DAB2IP: variants seen among roughly 807,000 people sequenced by gnomAD.
The protein encoded by DAB2IP is DAB2 interacting protein.
A neutral mutation model predicts 107.2 loss-of-function variants in DAB2IP; 28 were observed. That is an observed-to-expected ratio of 0.26 (90% CI 0.19 to 0.36). The LOEUF (loss-of-function observed/expected upper bound fraction) is 0.36. Ranked by LOEUF, DAB2IP falls within the 10% of genes least tolerant of loss-of-function variation. The probability of loss-of-function intolerance (pLI) is 1.00; values close to 1 mark genes in which losing one functional copy is unlikely to be tolerated. For synonymous variants in DAB2IP, 755 were observed against 706.4 expected (o/e 1.07, Z -1.09); for missense variants, 1,400 against 1,644.7 (o/e 0.85, Z 2.57).
chr9:121,760,320 C>T lies in DAB2IP; in HGVS notation c.1051C>T (p.His351Tyr). ...GGAGATGTACAAAGAGTTCGCTGAG[C>T]ACATCACCAACCACTACCTGGGGCT... Residue 351 changes from histidine to tyrosine, a missense_variant, in exon 6 of 16, where the codon CAC becomes TAC. His to Tyr is a moderately conservative substitution (Grantham distance 83). Coordinates refer to ENST00000408936, the Ensembl canonical transcript of DAB2IP. This position sits in a 1 kb window ranked among gnomAD's most constrained non-coding sequence, Gnocchi z 5.9. 1 of 1,613,658 alleles carries T rather than the reference C, an allele frequency of 6.2e-7. No homozygotes were observed. The highest frequency in any genetic ancestry group is 8.5e-7 in the Non-Finnish European group (1 of 1,180,034).
chr9:121,768,556 G>C lies in DAB2IP; in HGVS notation c.1822G>C (p.Glu608Gln), dbSNP rs769592281. 1.9e-6 allele frequency: 3 copies of C among 1,614,068 alleles called. No homozygotes were observed. In the African/African-American group the frequency reaches 4.0e-5, roughly 22 times the overall value. The change falls in exon 10 of 16, where the codon GAG (glutamate) becomes CAG (glutamine). Residue 608 changes from glutamate to glutamine, a missense_variant. By Grantham distance (29) the Glu-to-Gln change is conservative. Around this residue, in one of 3 missense-constraint regions of DAB2IP, gnomAD observed 517 missense variants for 748.6 expected, o/e 0.69. Transcript: ENST00000408936. The stretch of plus-strand genomic sequence containing the variant: ...GACCCTCTCCAATACAGCCGGCTTC[G>C]AGGGCTACATCGACCTGGGCCGCGA...
chr9:121,582,647 C>T (rs1321772931), intron 1 of DAB2IP, among the ~76,000 whole-genome samples: 2 of 152,166 alleles, frequency 1.3e-5, no homozygotes, highest in African/African-American at 4.8e-5. Context: ...TGATAGCCCC[C>T]CAATGACCAC....
chr9:121,596,026 A>C (rs549725623), intron 1 of DAB2IP, among the ~76,000 whole-genome samples: 1 of 152,084 alleles, frequency 6.6e-6, no homozygotes, highest in South Asian at 2.1e-4. Context: ...TCTCTCTACA[A>C]ATAAAAATAT....
At chr9:121,614,500 C>A (rs1448421859) in intron 1 of DAB2IP, among the ~76,000 whole-genome samples, 1 of 151,176 alleles carries the variant, frequency 6.6e-6, no homozygotes, top group Admixed American at 6.6e-5. Flanking sequence ...GCCACCATGC[C>A]TGGCTAATTT....
At chr9:121,743,116 T>C (rs1832465881) in intron 3 of DAB2IP, among the ~76,000 whole-genome samples, 1 of 152,126 alleles carries the variant, frequency 6.6e-6, no homozygotes, top group African/African-American at 2.4e-5. Flanking sequence ...TTGCATGAAG[T>C]CCTGGCGAGC....
chr9:121,611,400 C>T (rs1193857034), intron 1 of DAB2IP, among the ~76,000 whole-genome samples: 1 of 152,158 alleles, frequency 6.6e-6, no homozygotes, highest in Non-Finnish European at 1.5e-5. Flanking sequence ...CTGAGTACAG[C>T]AGACAGGCTA....
rs765973535 is a variant in DAB2IP, at chr9:121,662,889, C to G, written c.124+10990C>G. ...GAGTAAATGCCAGCTCTCTGCCAGC[C>G]CTGGAATGGGCCCTGCAGATGCAGA... On this transcript the variant is annotated intron_variant, in intron 1 of 15. Coordinates refer to ENST00000408936, the Ensembl canonical transcript of DAB2IP. This position sits in a 1 kb window ranked among gnomAD's most constrained non-coding sequence, Gnocchi z 4.6. Among the ~76,000 whole-genome samples, 1 of 152,132 alleles carries G rather than the reference C, an allele frequency of 6.6e-6. No individual in the cohort carries two copies. Among genetic ancestry groups the G allele is most frequent in the Non-Finnish European group, 1.5e-5 (1 of 68,030 alleles).
At chr9:121,589,055 T>C (rs947371290) in intron 1 of DAB2IP, among the ~76,000 whole-genome samples, 1 of 151,978 alleles carries the variant, frequency 6.6e-6, no homozygotes, top group Non-Finnish European at 1.5e-5. Context: ...TGTCCTCCCT[T>C]CCCTGCCTCC....
chr9:121,617,687 T>G (rs1321584691), intron 1 of DAB2IP, among the ~76,000 whole-genome samples: 2 of 152,244 alleles, frequency 1.3e-5, no homozygotes, highest in East Asian at 3.8e-4. Context: ...ACTTGGCATT[T>G]TCATTCCTAT....
intron 1 of DAB2IP, chr9:121,575,156 G>T (rs183632258): frequency 6.6e-6 from 1 of 152,236 alleles, no homozygotes; most frequent in African/African-American, 2.4e-5. Flanking sequence ...CATAGGACGC[G>T]GACATTTCAC....
chr9:121,743,060 T>A (rs1368851252), intron 3 of DAB2IP: 2 of 926,256 alleles, frequency 2.2e-6, no homozygotes, highest in African/African-American at 3.6e-5. Flanking sequence ...AGGAATACTC[T>A]GGCTGGGATG....
intron 10 of DAB2IP, among the ~76,000 whole-genome samples, chr9:121,769,657 T>A (rs957867252): frequency 1.3e-5 from 2 of 152,222 alleles, no homozygotes; most frequent in Non-Finnish European, 2.9e-5. Context: ...TCCACTTGCC[T>A]TTGGCTGTGA....
intron 3 of DAB2IP, among the ~76,000 whole-genome samples, chr9:121,720,843 T>C (rs1455939590): frequency 6.6e-6 from 1 of 152,106 alleles, no homozygotes; most frequent in African/African-American, 2.4e-5. Flanking sequence ...GGGACAATTG[T>C]CTGTGTCTGG....
Position 121,699,356 on chromosome 9 carries a change from T to G in DAB2IP, c.260T>G (p.Ile87Ser). The change falls in exon 3 of 16, where the codon ATC becomes AGC. Residue 87 changes from isoleucine (I) to serine (S), a missense_variant. By Grantham distance (142) the Ile-to-Ser change is moderately radical. Coordinates refer to ENST00000408936, the Ensembl canonical transcript of DAB2IP. This position sits in a 1 kb window ranked among gnomAD's most constrained non-coding sequence, Gnocchi z 6.2. ...CTCAGCCGCCGCCTCAAGGGCTCCA[T>G]CAAGCGCACCAAGAGCCAGCCCAAG... is the stretch of plus-strand genomic sequence containing the variant. 3.5e-6 allele frequency: 5 copies of G among 1,433,920 alleles called. No individual in the cohort carries two copies. Among genetic ancestry groups the G allele is most frequent in the Non-Finnish European group, 4.6e-6 (5 of 1,077,670 alleles). 88.8% of individuals were successfully genotyped at this position (1,433,920 alleles called of 1,614,324 possible). A position where few individuals can be genotyped will look rare whatever the true frequency, so the allele number is the denominator to read the frequency against.
At chr9:121,567,692 A>C (rs1829840474) in intron 1 of DAB2IP, among the ~76,000 whole-genome samples, 1 of 152,142 alleles carries the variant, frequency 6.6e-6, no homozygotes, top group Non-Finnish European at 1.5e-5. Context: ...CCCGTGTGAC[A>C]GGGCCCCAGT....
chr9:121,570,767 C>T (rs950409789), intron 1 of DAB2IP, among the ~76,000 whole-genome samples: 2 of 152,144 alleles, frequency 1.3e-5, no homozygotes, highest in African/African-American at 4.8e-5. Flanking sequence ...AGGCTGGTCT[C>T]AAACTCCTGG....
At chr9:121,703,129 T>TA (rs1388519580) in intron 3 of DAB2IP, among the ~76,000 whole-genome samples, 1 of 152,144 alleles carries the variant, frequency 6.6e-6, no homozygotes, top group Non-Finnish European at 1.5e-5. Flanking sequence ...GGGAAGGAGA[T>TA]ACAGTACTTG....
At position 121,589,530 on chromosome 9, in the gene DAB2IP, C is replaced by T. The variant is rs192260204; in HGVS notation, c.40+22302C>T. On this transcript the variant is annotated intron_variant, in intron 1 of 16. Coordinates refer to the DAB2IP transcript ENST00000259371. ...CCGCTCCCAAGGCTGGTAGCAGAGC[C>T]GCATAGCTGCCCACCTGTGTCTCAG... Among the ~76,000 whole-genome samples, 29 of 152,258 alleles carry T rather than the reference C, an allele frequency of 1.9e-4. 1 individual carries two copies. The highest frequency in any genetic ancestry group is 1.1e-3 in the Admixed American group (17 of 15,292).
chr9:121,713,249 T>C (rs1246035866), intron 3 of DAB2IP, among the ~76,000 whole-genome samples: 1 of 152,202 alleles, frequency 6.6e-6, no homozygotes, highest in African/African-American at 2.4e-5. Flanking sequence ...TCTTTCCTCT[T>C]GGCCACCAAG....
Sources: allele counts gnomAD v4.1 joint callset (sites outside exome capture counted in the v4.1 genomes callset), GRCh38; gene constraint gnomAD v4.1.1; regional missense constraint gnomAD v4.1.1; non-coding constraint Gnocchi (gnomAD v3.1); transcripts MANE v1.5; gene names NCBI Gene and HGNC (gene_info 2026-07-23, HGNC 2026-07-21).